TNFSF10: variants seen among roughly 807,000 people sequenced by gnomAD.
TNFSF10 encodes tumor necrosis factor ligand superfamily member 10.
TNFSF10 carries 13 observed loss-of-function variants against 29.5 expected under a neutral mutation model. That is an observed-to-expected ratio of 0.44 (90% confidence interval 0.29 to 0.70). The LOEUF (loss-of-function observed/expected upper bound fraction) is 0.70. Ranked by LOEUF, TNFSF10 falls within the 30% of genes least tolerant of loss-of-function variation. TNFSF10 has a pLI of 0.13. For missense variants in TNFSF10, 345 were observed against 330.9 expected (o/e 1.04, Z -0.33); for synonymous variants, 111 against 112.8 (o/e 0.98, Z 0.10).
At chr3:172,515,655 T>A (rs906520908) in intron 1 of TNFSF10, among the ~76,000 whole-genome samples, 2 of 152,172 alleles carry the variant, frequency 1.3e-5, no homozygotes, top group African/African-American at 4.8e-5. Flanking sequence ...AAACACTCTT[T>A]GAAGGTTTTC....
chr3:172,520,086 C>T lies in TNFSF10; in HGVS notation c.132+3167G>A, dbSNP rs139473223. Among the ~76,000 whole-genome samples, 1,075 of 152,264 alleles carry T rather than the reference C, an allele frequency of 7.1e-3. 6 individuals are homozygous for T. The highest frequency in any genetic ancestry group is 0.025 in the African/African-American group (1,030 of 41,552). On this transcript the variant is annotated intron_variant, in intron 1 of 4. Coordinates refer to ENST00000241261, the MANE Select transcript of TNFSF10 (RefSeq NM_003810.4). ...TTGTGGTGGTGGGGGGAGGATCTGA[C>T]GTTCCTTGCAGCTCATAATTCTCTA...
intron 3 of TNFSF10, among the ~76,000 whole-genome samples, chr3:172,511,210 GA>G (rs778724434): frequency 6.6e-6 from 1 of 152,204 alleles, no homozygotes; most frequent in Non-Finnish European, 1.5e-5. Context: ...CTTTTGTAAA[GA>G]AAGACCTGGA....
Position 172,521,841 on chromosome 3 carries a change from A to T in TNFSF10, c.132+1412T>A, listed in dbSNP as rs192349755. 1.5e-4 allele frequency among the ~76,000 whole-genome samples: 23 copies of T among 152,362 alleles called. 1 individual carries two copies. In the East Asian group the frequency reaches 4.4e-3, roughly 29 times the overall value. ...TGGATAAAGAAAATGTGGCACATAT[A>T]CACCATGGAATACTATGCAGCCATT... On this transcript the variant is annotated intron_variant, in intron 1 of 4. Coordinates refer to ENST00000241261, the MANE Select transcript of TNFSF10 (RefSeq NM_003810.4).
At chr3:172,520,167 T>C (rs1208045102) in intron 1 of TNFSF10, among the ~76,000 whole-genome samples, 1 of 152,254 alleles carries the variant, frequency 6.6e-6, no homozygotes, top group Admixed American at 6.5e-5. Flanking sequence ...CTGAGTTGGT[T>C]TATTTTCAGC....
chr3:172,516,029 G>A (rs914267072), intron 1 of TNFSF10, among the ~76,000 whole-genome samples: 9 of 152,146 alleles, frequency 5.9e-5, no homozygotes, highest in African/African-American at 2.2e-4. Context: ...CTGGGAGGCC[G>A]AGGCGGGTGA....
intron 2 of TNFSF10, among the ~76,000 whole-genome samples, chr3:172,513,036 G>T (rs555569735): frequency 6.6e-6 from 1 of 152,316 alleles, no homozygotes; most frequent in African/African-American, 2.4e-5. Context: ...TTCAACTAAT[G>T]TGCCTGAAAA....
intron 1 of TNFSF10, among the ~76,000 whole-genome samples, chr3:172,519,226 G>A (rs1363863238): frequency 6.6e-6 from 1 of 152,206 alleles, no homozygotes; most frequent in African/African-American, 2.4e-5. Context: ...CATGCCTAAT[G>A]TACATGTGTT....
chr3:172,520,024 G>A lies in TNFSF10; in HGVS notation c.132+3229C>T, dbSNP rs567853220. ...CCTCCAAAGCCTTGTCTGAACTTGA[G>A]TACATTATTTCTTGTCTCCTCGTCT... On this transcript the variant is annotated intron_variant, in intron 1 of 4. Transcript: ENST00000241261. Among the ~76,000 whole-genome samples the A allele has an allele frequency of 3.4e-4, 52 of 152,358 alleles. 2 individuals carry two copies. The South Asian group carries it at 7.9e-3, about 23-fold the overall frequency.
chr3:172,517,854 G>C lies in TNFSF10; in HGVS notation c.133-2856C>G, dbSNP rs1713500906. 3.0e-6 allele frequency: 3 copies of C among 984,994 alleles called. No homozygotes were observed. The South Asian group carries it at 1.4e-4, about 46-fold the overall frequency. The allele number at this position is 984,994 out of a possible 1,614,324, so 61.0% of individuals were successfully genotyped here. A position where few individuals can be genotyped will look rare whatever the true frequency, so the allele number is the denominator to read the frequency against. On this transcript the variant is annotated intron_variant, in intron 1 of 4. Coordinates refer to ENST00000241261, the MANE Select transcript of TNFSF10 (RefSeq NM_003810.4). ...CTAGAGATCACATTGTCATTTTGGT[G>C]TTTCTCTTTCTAGACCTTTTTATGC... is the stretch of plus-strand genomic sequence containing the variant.
chr3:172,523,165 C>T lies in TNFSF10; in HGVS notation c.132+88G>A. ...CAGAGAAAGGAAGCAGGAAAGTCTT[C>T]AGAGAGGGGCAAGCTGACATGCAAA... On this transcript the variant is annotated intron_variant, in intron 1 of 4. Transcript: ENST00000241261. The T allele has an allele frequency of 2.8e-6, 4 of 1,453,296 alleles. No individual in the cohort carries two copies. The South Asian group carries it at 6.0e-5, about 22-fold the overall frequency. 90.0% of individuals were successfully genotyped at this position (1,453,296 alleles called of 1,614,324 possible). A position where few individuals can be genotyped will look rare whatever the true frequency, so the allele number is the denominator to read the frequency against.
At chr3:172,508,875 G>A (rs1175509410) in intron 4 of TNFSF10, among the ~76,000 whole-genome samples, 6 of 117,732 alleles carry the variant, frequency 5.1e-5, no homozygotes, top group Admixed American at 8.3e-5. Context: ...GGCAACAAAC[G>A]TGAAACTCTG....
At chr3:172,517,797 A>T in intron 1 of TNFSF10, 1 of 982,192 alleles carries the variant, frequency 1.0e-6, no homozygotes, top group Non-Finnish European at 1.2e-6. Context: ...TAGAAAAATA[A>T]AAAGGAAAAA....
rs117461732 is a variant in TNFSF10 at position 172,517,175 on chromosome 3, G to A, written c.133-2177C>T. 3.3e-4 allele frequency among the ~76,000 whole-genome samples: 51 copies of A among 152,360 alleles called. No homozygotes were observed. The East Asian group carries it at 8.9e-3, about 26-fold the overall frequency. ...GAGGCAAGGTGCAGAGTTGAAAGCT[G>A]CCTGTGATCAGGCAGTAATGGCAGC... On this transcript the variant is annotated intron_variant, in intron 1 of 4. Coordinates refer to ENST00000241261, the MANE Select transcript of TNFSF10 (RefSeq NM_003810.4).
At chr3:172,508,333 A>G (rs1290969057) in intron 4 of TNFSF10, among the ~76,000 whole-genome samples, 2 of 152,138 alleles carry the variant, frequency 1.3e-5, no homozygotes, top group African/African-American at 4.8e-5. Context: ...ACCCATGCAC[A>G]GTATTACATA....
At chr3:172,523,230 T>C in intron 1 of TNFSF10, 23 bp downstream of exon 1, 1 of 1,570,226 alleles carries the variant, frequency 6.4e-7, no homozygotes, top group Non-Finnish European at 8.7e-7. Flanking sequence ...CCTCGAAGAC[T>C]GAGTGCACTG....
chr3:172,517,559 A>G, intron 1 of TNFSF10: 9 of 985,416 alleles, frequency 9.1e-6, no homozygotes, highest in Non-Finnish European at 1.1e-5. Flanking sequence ...CACAAAAACA[A>G]AACAAAACAA....
At chr3:172,507,621 C>T (rs75389921) in intron 4 of TNFSF10, among the ~76,000 whole-genome samples, 3,502 of 152,270 alleles carry the variant, frequency 0.023, 62 homozygotes, top group Middle Eastern at 0.044. Flanking sequence ...TGGGCTTTTC[C>T]AGAGCGTAAA....
intron 2 of TNFSF10, among the ~76,000 whole-genome samples, chr3:172,512,175 A>G (rs1030746155): frequency 6.6e-6 from 1 of 152,200 alleles, no homozygotes. Context: ...TACATAGCCT[A>G]TCGAGGTATA....
In TNFSF10 at chr3:172,518,359, T is replaced by G. The variant is rs751289045; in HGVS notation, c.133-3361A>C. The G allele has an allele frequency of 1.1e-5, 14 of 1,282,182 alleles. No homozygotes were observed. The South Asian group carries it at 1.8e-4, about 16-fold the overall frequency. 79.4% of individuals were successfully genotyped at this position (1,282,182 alleles called of 1,614,324 possible). A position where few individuals can be genotyped will look rare whatever the true frequency, so the allele number is the denominator to read the frequency against. ...TAGGCCAGGGTCAACCAGTCCTTGA[T>G]GGGGCTTGAGGTCAGCAGGGTAGAC... On this transcript the variant is annotated intron_variant, in intron 1 of 4. Coordinates refer to ENST00000241261, the MANE Select transcript of TNFSF10 (RefSeq NM_003810.4).
Sources: allele counts gnomAD v4.1 joint callset (sites outside exome capture counted in the v4.1 genomes callset), GRCh38; gene constraint gnomAD v4.1.1; transcripts MANE v1.5; gene names NCBI Gene and HGNC (gene_info 2026-07-23, HGNC 2026-07-21).